PTCD3: variants seen among roughly 807,000 people sequenced by gnomAD.
PTCD3 encodes pentatricopeptide repeat domain 3, also known as small ribosomal subunit protein mS39.
In PTCD3, 89 loss-of-function variants were observed where a neutral mutation model predicts 101.9. The observed-to-expected ratio is 0.87, with a 90% confidence interval of 0.74 to 1.04. The LOEUF is 1.04. Ranked by LOEUF, PTCD3 falls within the 50% of genes least tolerant of loss-of-function variation. The pLI, the probability that PTCD3 is intolerant of heterozygous loss-of-function variation, is 0.00. For missense variants in PTCD3, 870 were observed against 828.2 expected (o/e 1.05, Z -0.62); for synonymous variants, 296 against 278.5 (o/e 1.06, Z -0.63).
Position 86,138,963 on chromosome 2 carries a change from C to T in PTCD3, c.*1404C>T, listed in dbSNP as rs1294515360. 2 of 152,160 alleles carry T rather than the reference C, an allele frequency of 1.3e-5. No homozygotes were observed. Among genetic ancestry groups the T allele is most frequent in the African/African-American group, 4.8e-5 (2 of 41,420 alleles). 9.4% of individuals were successfully genotyped at this position (152,160 alleles called of 1,614,324 possible). On this transcript the variant is annotated 3_prime_UTR_variant, in exon 24 of 24. Transcript: ENST00000254630. ...GCACCTATTCTGAATCACCATGTTG[C>T]TCTGCAGCTAGAGTTGATAGGAGAA... is the stretch of plus-strand genomic sequence containing the variant.
intron 4 of PTCD3, among the ~76,000 whole-genome samples, chr2:86,113,787 T>C (rs568250831): frequency 6.6e-6 from 1 of 151,962 alleles, no homozygotes; most frequent in East Asian, 1.9e-4. Flanking sequence ...CTCCACAGAG[T>C]GAGACCCTGT....
chr2:86,120,362 G>C (rs902222709), intron 7 of PTCD3, among the ~76,000 whole-genome samples: 7 of 152,134 alleles, frequency 4.6e-5, no homozygotes, highest in African/African-American at 1.7e-4. Context: ...CCCCTAATAA[G>C]TGCAAAACAC....
rs1268858298 is a variant in PTCD3 at position 86,138,570 on chromosome 2, T to TC, written c.*1012dup. 6.6e-6 allele frequency: 1 copy of TC among 152,132 alleles called. No homozygotes were observed. Among genetic ancestry groups the TC allele is most frequent in the Non-Finnish European group, 1.5e-5 (1 of 68,030 alleles). The allele number at this position is 152,132 out of a possible 1,614,324, so 9.4% of individuals were successfully genotyped here. ...CTACTTATACTTGTGTTCCCATCTG[T>TC]CTGCCATCCTCTGAAGGCCGGGACC... On this transcript the variant is annotated 3_prime_UTR_variant, in exon 24 of 24. Transcript: ENST00000254630.
At position 86,127,162 on chromosome 2, in the gene PTCD3, A is replaced by G; in HGVS notation, c.953A>G (p.Glu318Gly). 1.2e-6 allele frequency: 2 copies of G among 1,610,160 alleles called. No individual in the cohort carries two copies. Among genetic ancestry groups the G allele is most frequent in the Non-Finnish European group, 8.5e-7 (1 of 1,178,342 alleles). The change falls in exon 13 of 24, where the codon GAG (glutamate) becomes GGG (glycine). Residue 318 changes from glutamate (E) to glycine (G), a missense_variant and splice_region_variant. Glu to Gly is a moderately conservative substitution (Grantham distance 98, BLOSUM62 -2). Coordinates refer to ENST00000254630, the MANE Select transcript of PTCD3 (RefSeq NM_017952.6). ...ACTTCTTGTTTTTTATTCACCTAGGAGCTGCTAAGACACATGGTTGCACAG... is the reference window on the plus strand; with the variant it reads ...ACTTCTTGTTTTTTATTCACCTAGGGGCTGCTAAGACACATGGTTGCACAG... ...KFEEKWSKIL[E>G]LLRHMVAQKV...
At position 86,137,693 on chromosome 2, in the gene PTCD3, TAC is replaced by T. The variant is rs1674614017; in HGVS notation, c.*136_*137del. 1.6e-6 allele frequency: 2 copies of T among 1,287,654 alleles called. No individual in the cohort carries two copies. The highest frequency in any genetic ancestry group is 2.7e-5 in the South Asian group (2 of 74,806). 79.8% of individuals were successfully genotyped at this position (1,287,654 alleles called of 1,614,324 possible). A position where few individuals can be genotyped will look rare whatever the true frequency, so the allele number is the denominator to read the frequency against. ...ATTTGGTGAATTTGTTACTGTGAGG[TAC>T]AGTCAGTACACAGCTGACTTATGTA... On this transcript the variant is annotated 3_prime_UTR_variant, in exon 24 of 24. Transcript: ENST00000254630.
intron 14 of PTCD3, among the ~76,000 whole-genome samples, chr2:86,129,633 C>A (rs950475178): frequency 3.9e-5 from 6 of 152,092 alleles, no homozygotes; most frequent in Non-Finnish European, 8.8e-5. Flanking sequence ...CAGAGCAAGA[C>A]CCTGTCTCAA....
At chr2:86,132,155 A>C (rs917790540) in intron 16 of PTCD3, among the ~76,000 whole-genome samples, 163 bp from the exon 17 acceptor site, 1 of 152,220 alleles carries the variant, frequency 6.6e-6, no homozygotes, top group Non-Finnish European at 1.5e-5. Flanking sequence ...ATTTCACAGA[A>C]CTTGGGATTT....
Position 86,125,484 on chromosome 2 carries a change from G to T in PTCD3, c.834G>T (p.Leu278Phe). 1 of 1,613,124 alleles carries T rather than the reference G, an allele frequency of 6.2e-7. No individual in the cohort carries two copies. The highest frequency in any genetic ancestry group is 8.5e-7 in the Non-Finnish European group (1 of 1,179,072). ...GAGCTTATGAGCAGGCATTAAACTT[G>T]TACACTGAGTTACTAAACAACAGAC... The part of the protein sequence containing the change: ...KHRAYEQALN[L>F]YTELLNNRLH... The change falls in exon 11 of 24, where the codon TTG becomes TTT. Residue 278 changes from leucine (L) to phenylalanine (F), a missense_variant. Physicochemically the swap from Leu to Phe is conservative, Grantham distance 22. Coordinates refer to ENST00000254630, the MANE Select transcript of PTCD3 (RefSeq NM_017952.6).
chr2:86,124,514 A>G (rs2104455682), intron 9 of PTCD3, among the ~76,000 whole-genome samples: 1 of 152,210 alleles, frequency 6.6e-6, no homozygotes, highest in African/African-American at 2.4e-5. Context: ...AATTCCAGCT[A>G]CTCGAGAGGT....
chr2:86,107,732 G>A (rs1673988594), intron 1 of PTCD3, among the ~76,000 whole-genome samples: 1 of 152,186 alleles, frequency 6.6e-6, no homozygotes, highest in Admixed American at 6.5e-5. Flanking sequence ...GAAAGAAGTG[G>A]AATGAGAAGC....
In PTCD3 at chr2:86,137,732, C is replaced by T; in HGVS notation, c.*173C>T. 1 of 840,604 alleles carries T rather than the reference C, an allele frequency of 1.2e-6. No individual in the cohort carries two copies. Among genetic ancestry groups the T allele is most frequent in the Non-Finnish European group, 1.8e-6 (1 of 558,226 alleles). 52.1% of individuals were successfully genotyped at this position (840,604 alleles called of 1,614,324 possible). The stretch of plus-strand genomic sequence containing the variant: ...AGCTGACTTATGTAGATTTAAGCTG[C>T]TAATATGCTACTTAACCATCTATTA... On this transcript the variant is annotated 3_prime_UTR_variant, in exon 24 of 24. Transcript: ENST00000254630.
intron 3 of PTCD3, chr2:86,110,889 C>G (rs1473160863): frequency 6.9e-6 from 5 of 729,354 alleles, no homozygotes; most frequent in Non-Finnish European, 1.3e-5. Flanking sequence ...TGGCATTATG[C>G]ACCAGGCCAG....
chr2:86,135,579 A>G (rs1674569759), intron 21 of PTCD3, among the ~76,000 whole-genome samples: 1 of 152,204 alleles, frequency 6.6e-6, no homozygotes, highest in Non-Finnish European at 1.5e-5. Context: ...GAGCAAAAGG[A>G]TCTTTTGTAG....
Position 86,141,475 on chromosome 2 carries a change from T to C in PTCD3, c.*3916T>C, listed in dbSNP as rs1558803051. ...TTTTAAAACTGGTGGCACCACTCAT[T>C]TGGGACTTGGAGACTGCTTTTATCC... On this transcript the variant is annotated 3_prime_UTR_variant, in exon 24 of 24. Transcript: ENST00000254630. 1.3e-5 allele frequency: 2 copies of C among 152,214 alleles called. No individual in the cohort carries two copies. Among genetic ancestry groups the C allele is most frequent in the African/African-American group, 4.8e-5 (2 of 41,448 alleles). 9.4% of individuals were successfully genotyped at this position (152,214 alleles called of 1,614,324 possible).
chr2:86,137,234 C>A, intron 23 of PTCD3, 94 bp downstream of exon 23: 2 of 1,420,770 alleles, frequency 1.4e-6, no homozygotes, highest in African/African-American at 2.9e-5. Flanking sequence ...CCTTCTATTT[C>A]CTTTCAAAAA....
chr2:86,136,447 A>G (rs748194368), intron 21 of PTCD3, 74 bp from the exon 22 acceptor site: 13 of 1,407,984 alleles, frequency 9.2e-6, no homozygotes, highest in Admixed American at 3.4e-5. Context: ...CTGATTTCAG[A>G]GAGAAGACAG....
chr2:86,119,320 G>A (rs1457462126), intron 7 of PTCD3: 13 of 401,130 alleles, frequency 3.2e-5, no homozygotes, highest in Non-Finnish European at 5.2e-5. Flanking sequence ...TTTAATGTTA[G>A]GTAGGTATGC....
intron 14 of PTCD3, 150 bp downstream of exon 14, chr2:86,128,141 G>A (rs1467899482): frequency 4.3e-5 from 31 of 715,326 alleles, no homozygotes; most frequent in African/African-American, 1.1e-4. Flanking sequence ...GCAGAAAGTT[G>A]TGGTTTTTTT....
chr2:86,128,412 T>C (rs1225182240), intron 14 of PTCD3, among the ~76,000 whole-genome samples: 1 of 152,156 alleles, frequency 6.6e-6, no homozygotes, highest in East Asian at 1.9e-4. Flanking sequence ...TTGGGTAGAA[T>C]ATATTTTGGT....
Sources: gnomAD v4.1 joint callset for allele counts (sites outside exome capture counted in the v4.1 genomes callset) on GRCh38, gnomAD v4.1.1 for gene constraint, MANE v1.5 for transcripts, NCBI Gene and HGNC (gene_info 2026-07-23, HGNC 2026-07-21) for gene names.